Variants in AKAP13 observed in about 807,000 individuals in gnomAD.
AKAP13 encodes the protein A-kinase anchoring protein 13.
Under a neutral mutation model 264.5 loss-of-function variants are expected in AKAP13, and 80 were observed. The observed-to-expected ratio is 0.30, with a 90% confidence interval of 0.25 to 0.36. The LOEUF (loss-of-function observed/expected upper bound fraction) is 0.36. AKAP13 is among the 10% of genes least tolerant of loss of function. The pLI, the probability that AKAP13 is intolerant of heterozygous loss-of-function variation, is 1.00. For missense variants in AKAP13, 3,712 were observed against 3,435.2 expected (o/e 1.08, Z -2.01); for synonymous variants, 1,380 against 1,250.2 (o/e 1.10, Z -2.19).
At chr15:85,638,518 A>G (rs2082163902) in intron 8 of AKAP13, among the ~76,000 whole-genome samples, 1 of 152,128 alleles carries the variant, frequency 6.6e-6, no homozygotes, top group African/African-American at 2.4e-5. Context: ...AGTTTTCTCT[A>G]TCTTGCTGAT....
At position 85,459,923 on chromosome 15, in the gene AKAP13, A is replaced by T. The variant is rs553947320; in HGVS notation, c.-11-25787A>T. ...AAGTTCTAGCCATGCTACCTTTCAA[A>T]TATTTCTCAAATTTGTTTTCTCCTC... On this transcript the variant is annotated intron_variant, in intron 1 of 36. Coordinates refer to ENST00000394518, the MANE Select transcript of AKAP13 (RefSeq NM_007200.5). Among the ~76,000 whole-genome samples, 14 of 152,222 alleles carry T rather than the reference A, an allele frequency of 9.2e-5. No individual in the cohort carries two copies. In the South Asian group the frequency reaches 2.7e-3, roughly 29 times the overall value.
intron 18 of AKAP13, among the ~76,000 whole-genome samples, chr15:85,709,437 T>A (rs1230746316): frequency 6.6e-6 from 1 of 152,152 alleles, no homozygotes; most frequent in African/African-American, 2.4e-5. Flanking sequence ...TGAGTGGTGC[T>A]GCCTCCTTTA....
At chr15:85,553,864 G>A (rs1285146739) in intron 5 of AKAP13, among the ~76,000 whole-genome samples, 1 of 152,160 alleles carries the variant, frequency 6.6e-6, no homozygotes, top group African/African-American at 2.4e-5. Context: ...AACTGCATAT[G>A]TGAGGGATCT....
At chr15:85,387,549 T>A (rs1404583741) in intron 1 of AKAP13, among the ~76,000 whole-genome samples, 1 of 151,982 alleles carries the variant, frequency 6.6e-6, no homozygotes, top group South Asian at 2.1e-4. Context: ...GGCCTCAAAC[T>A]CCCGGGATGA....
Position 85,655,726 on chromosome 15 carries a change from C to T in AKAP13, c.4684C>T (p.Arg1562Trp), listed in dbSNP as rs745426384. ...RSSMRSLSPF[R>W]RHSWGPGKNA... is the part of the protein sequence containing the mutation. ...CTCCATGCGCTCTCTTTCTCCCTTC[C>T]GGAGGCACAGCTGGGGGCCTGGGAA... Residue 1562 changes from arginine to tryptophan, a missense_variant, in exon 11 of 37, where the codon CGG becomes TGG. By Grantham distance (101) the Arg-to-Trp change is moderately radical (BLOSUM62 -3). Transcript: ENST00000394518. The T allele has an allele frequency of 1.7e-5, 27 of 1,613,634 alleles. No individual in the cohort carries two copies. The highest frequency in any genetic ancestry group is 1.9e-5 in the Non-Finnish European group (23 of 1,179,716).
intron 8 of AKAP13, among the ~76,000 whole-genome samples, chr15:85,638,653 A>C (rs777099531): frequency 2.0e-5 from 3 of 152,124 alleles, no homozygotes; most frequent in Non-Finnish European, 4.4e-5. Context: ...GCAATATTTA[A>C]ATTTTTTTTA....
Position 85,564,085 on chromosome 15 carries a change from G to A in AKAP13, c.663-11046G>A, listed in dbSNP as rs183814091. Among the ~76,000 whole-genome samples the A allele has an allele frequency of 2.2e-4, 34 of 152,296 alleles. No individual in the cohort carries two copies. The East Asian group carries it at 5.4e-3, about 24-fold the overall frequency. ...AAGGACTGATAAGAGGATTAAATTA[G>A]TGTACTTAAAATTTTCTGTCAGTAT... On this transcript the variant is annotated intron_variant, in intron 5 of 36. Transcript: ENST00000394518.
At chr15:85,433,923 A>G (rs2073139144) in intron 1 of AKAP13, among the ~76,000 whole-genome samples, 1 of 150,192 alleles carries the variant, frequency 6.7e-6, no homozygotes, top group African/African-American at 2.5e-5. Context: ...CCTGGGTGAC[A>G]GAGCGAGACT....
At chr15:85,411,360 T>G (rs1170120904) in intron 1 of AKAP13, among the ~76,000 whole-genome samples, 1 of 152,214 alleles carries the variant, frequency 6.6e-6, no homozygotes, top group East Asian at 1.9e-4. Context: ...AAGGGAAATA[T>G]GCGCAAAGGA....
chr15:85,736,207 CTTTTTTTT>C, intron 33 of AKAP13, 73 bp downstream of exon 33: 1 of 1,057,644 alleles, frequency 9.5e-7, no homozygotes. Flanking sequence ...TTGTTTTTTC[CTTTTTTTT>C]TTTTCTTTTT....
chr15:85,677,535 C>T (rs1329512879), intron 14 of AKAP13, among the ~76,000 whole-genome samples: 1 of 152,128 alleles, frequency 6.6e-6, no homozygotes, highest in Non-Finnish European at 1.5e-5. Context: ...GCTATTGTTA[C>T]ACTTTTTTTC....
chr15:85,540,213 G>A (rs1452760797), intron 4 of AKAP13, among the ~76,000 whole-genome samples: 1 of 152,104 alleles, frequency 6.6e-6, no homozygotes, highest in Non-Finnish European at 1.5e-5. Context: ...GAAGATCGTG[G>A]GCAGGATGGA....
intron 9 of AKAP13, among the ~76,000 whole-genome samples, chr15:85,642,211 T>C (rs1198040891): frequency 6.6e-6 from 1 of 152,216 alleles, no homozygotes; most frequent in African/African-American, 2.4e-5. Context: ...CTGGTTACTG[T>C]ATGTATAAAT....
chr15:85,605,027 A>C (rs1466411874), intron 8 of AKAP13, among the ~76,000 whole-genome samples: 1 of 152,174 alleles, frequency 6.6e-6, no homozygotes, highest in Non-Finnish European at 1.5e-5. Context: ...GTGCTGCACT[A>C]AGAGCTCATG....
At chr15:85,699,952 A>G (rs1378630336) in intron 17 of AKAP13, among the ~76,000 whole-genome samples, 4 of 152,258 alleles carry the variant, frequency 2.6e-5, no homozygotes, top group African/African-American at 9.6e-5. Context: ...ATAGAGGACA[A>G]TAGATTTAAG....
intron 5 of AKAP13, among the ~76,000 whole-genome samples, chr15:85,557,449 T>C (rs773009129): frequency 6.6e-6 from 1 of 152,204 alleles, no homozygotes; most frequent in Non-Finnish European, 1.5e-5. Flanking sequence ...TAGAGCTTCT[T>C]TTGTTGTCGT....
chr15:85,418,884 T>A (rs921230362), intron 1 of AKAP13, among the ~76,000 whole-genome samples: 2 of 152,208 alleles, frequency 1.3e-5, no homozygotes, highest in African/African-American at 4.8e-5. Context: ...AAGGAGACAG[T>A]TGAAATATTG....
At chr15:85,593,741 A>G (rs2079684063) in intron 8 of AKAP13, among the ~76,000 whole-genome samples, 2 of 152,050 alleles carry the variant, frequency 1.3e-5, no homozygotes, top group African/African-American at 4.8e-5. Flanking sequence ...CTTGAGTGAA[A>G]ATAACTGTAT....
At chr15:85,531,176 G>A (rs1047544574) in intron 3 of AKAP13, among the ~76,000 whole-genome samples, 11 of 152,122 alleles carry the variant, frequency 7.2e-5, no homozygotes, top group African/African-American at 2.7e-4. Context: ...CTTCTTAATT[G>A]CCATCTCCTT....
Sources: allele counts gnomAD v4.1 joint callset (sites outside exome capture counted in the v4.1 genomes callset), GRCh38; gene constraint gnomAD v4.1.1; transcripts MANE v1.5; gene names NCBI Gene and HGNC (gene_info 2026-07-23, HGNC 2026-07-21).